The following THOC5 variants were observed in gnomAD, a reference collection of about 807,000 sequenced individuals.
THOC5 encodes the protein Fms-interacting protein.
THOC5 carries 43 observed loss-of-function variants against 92.9 expected under a neutral mutation model. The observed-to-expected ratio is 0.46, with a 90% CI of 0.36 to 0.60. The LOEUF (loss-of-function observed/expected upper bound fraction) is 0.60. Ranked by LOEUF, THOC5 falls within the 20% of genes least tolerant of loss-of-function variation. The pLI is 0.00. For synonymous variants in THOC5, 296 were observed against 320.1 expected (o/e 0.92, Z 0.80); for missense variants, 659 against 849.4 (o/e 0.78, Z 2.79).
At chr22:29,542,535 G>A (rs547458046) in intron 5 of THOC5, among the ~76,000 whole-genome samples, 8 of 152,244 alleles carry the variant, frequency 5.3e-5, no homozygotes, top group African/African-American at 7.2e-5. Flanking sequence ...AGGCCGAGGC[G>A]GGAGGACCAC....
intron 15 of THOC5, among the ~76,000 whole-genome samples, chr22:29,517,746 CTG>C (rs1482503491): frequency 4.6e-5 from 7 of 152,344 alleles, no homozygotes; most frequent in African/African-American, 1.7e-4. Flanking sequence ...GAGGAAACAA[CTG>C]AAGTGTTGTG....
chr22:29,517,849 G>T (rs1211788541), intron 15 of THOC5, among the ~76,000 whole-genome samples: 1 of 152,150 alleles, frequency 6.6e-6, no homozygotes, highest in Non-Finnish European at 1.5e-5. Context: ...GTACTGTCCA[G>T]AATGACAAGT....
At chr22:29,543,347 CAAAAAAAAA>C (rs59948387) in intron 4 of THOC5, 73 bp downstream of exon 4, 179 of 466,206 alleles carry the variant, frequency 3.8e-4, no homozygotes, top group Middle Eastern at 2.0e-3. Context: ...GACTCTGTCT[CAAAAAAAAA>C]AAAAAAAAAA....
At position 29,544,513 on chromosome 22, in the gene THOC5, G is replaced by A. The variant is rs1351386285; in HGVS notation, c.187C>T (p.Gln63Ter). ...TCTTGGATCTCAGCCATCAGCCTCT[G>A]TAGCTCCTGGCAGGTGTACTTGTAT... The part of the protein sequence containing the change: ...ELYKYTCQEL[Q>*]RLMAEIQDLK... The change falls in exon 3 of 20, where the codon CAG (glutamine) becomes TAG (stop). Residue 63 changes from glutamine (Q) to a stop codon, truncating the protein, a stop_gained. Coordinates refer to ENST00000490103, the MANE Select transcript of THOC5 (RefSeq NM_003678.5). LOFTEE classifies it high-confidence loss of function. The A allele has an allele frequency of 6.2e-7, 1 of 1,614,078 alleles. No individual in the cohort carries two copies. The highest frequency in any genetic ancestry group is 8.5e-7 in the Non-Finnish European group (1 of 1,180,012).
intron 12 of THOC5, among the ~76,000 whole-genome samples, chr22:29,521,910 G>A (rs751105297): frequency 4.6e-5 from 7 of 152,094 alleles, no homozygotes; most frequent in Admixed American, 2.6e-4. Context: ...CCGGTCCTGC[G>A]TTTTGGCCCC....
rs200681106 is a variant in THOC5, at chr22:29,522,729, G to A, written c.1176-1630C>T. Among the ~76,000 whole-genome samples the A allele has an allele frequency of 2.8e-4, 43 of 152,152 alleles. No individual in the cohort carries two copies. The East Asian group carries it at 7.4e-3, about 26-fold the overall frequency. On this transcript the variant is annotated intron_variant, in intron 12 of 19. Transcript: ENST00000490103. ...ATTAAAAAAACCTTAGTGGCCGGGC[G>A]TGGTGGCTCACGCCTGTAATCCCAG...
intron 7 of THOC5, among the ~76,000 whole-genome samples, chr22:29,532,488 C>A (rs6519793): frequency 0.34 from 51,628 of 149,660 alleles, 8,913 homozygotes; most frequent in South Asian, 0.5. Context: ...ACACAGAGAA[C>A]CCCGTCTCTA....
In THOC5 at chr22:29,528,210, T is replaced by C. The variant is rs373224977; in HGVS notation, c.967-33A>G. The C allele has an allele frequency of 4.3e-6, 7 of 1,613,962 alleles. No individual in the cohort carries two copies. In the African/African-American group the frequency reaches 5.3e-5, roughly 12 times the overall value. ...AAGGAAAGTGCCAAGCTGATGAGCA[T>C]CAGTCATAGCAATCTCCCCTTCCCT... On this transcript the variant is annotated intron_variant, in intron 10 of 19. Coordinates refer to ENST00000490103, the MANE Select transcript of THOC5 (RefSeq NM_003678.5).
intron 8 of THOC5, chr22:29,531,141 G>A (rs975228816): frequency 1.7e-6 from 2 of 1,163,964 alleles, no homozygotes; most frequent in South Asian, 1.8e-5. Flanking sequence ...GAGAACAAAG[G>A]GGAGGGGAGG....
chr22:29,518,594 C>T (rs2063377852), intron 15 of THOC5, among the ~76,000 whole-genome samples: 1 of 152,202 alleles, frequency 6.6e-6, no homozygotes, highest in Admixed American at 6.5e-5. Flanking sequence ...TGACTGTGAG[C>T]CACAGAGCCA....
chr22:29,532,514 A>C (rs1241460482), intron 7 of THOC5, among the ~76,000 whole-genome samples: 1 of 149,784 alleles, frequency 6.7e-6, no homozygotes, highest in Non-Finnish European at 1.5e-5. Flanking sequence ...AAAAATACAA[A>C]ATTAGCTGGG....
chr22:29,513,586 G>A (rs1408927761), intron 17 of THOC5, among the ~76,000 whole-genome samples: 1 of 152,052 alleles, frequency 6.6e-6, no homozygotes, highest in African/African-American at 2.4e-5. Flanking sequence ...TGCTTAGGAG[G>A]CCAAGACGGG....
chr22:29,536,181 T>C (rs554343503), intron 7 of THOC5: 1 of 156,756 alleles, frequency 6.4e-6, no homozygotes, highest in South Asian at 2.0e-4. Flanking sequence ...AGACATTATG[T>C]TTTACAGGCG....
In THOC5 at chr22:29,508,526, G is replaced by T. The variant is rs186470934; in HGVS notation, c.1989-6C>A. On this transcript the variant is annotated splice_polypyrimidine_tract_variant and splice_region_variant and intron_variant, in intron 19 of 19. Transcript: ENST00000490103. ...GCTTCATCCTGCTAGGACCCCTAGA[G>T]AAATAGGAGAACGGAGTTGTTAATA... 1 of 1,612,796 alleles carries T rather than the reference G, an allele frequency of 6.2e-7. No homozygotes were observed. Among genetic ancestry groups the T allele is most frequent in the Admixed American group, 1.7e-5 (1 of 60,004 alleles).
chr22:29,523,764 T>A (rs1177065983), intron 12 of THOC5, among the ~76,000 whole-genome samples: 1 of 151,654 alleles, frequency 6.6e-6, no homozygotes, highest in African/African-American at 2.4e-5. Flanking sequence ...ACAAAACTAT[T>A]AAAAAAAATT....
intron 11 of THOC5, 88 bp from the exon 12 acceptor site, chr22:29,526,034 T>A: frequency 1.8e-5 from 10 of 571,144 alleles, no homozygotes; most frequent in Non-Finnish European, 2.9e-5. Context: ...GGTGGGGGGG[T>A]CAAGTGTTGA....
At position 29,542,951 on chromosome 22, in the gene THOC5, C is replaced by T. The variant is rs1394260400; in HGVS notation, c.360G>A (p.Lys120=). 6.2e-7 allele frequency: 1 copy of T among 1,611,052 alleles called. No individual in the cohort carries two copies. Among genetic ancestry groups the T allele is most frequent in the Admixed American group, 1.7e-5 (1 of 59,724 alleles). ...KKGRDQTHEA[K]QKVDAYHLQL... The stretch of plus-strand genomic sequence containing the variant: ...GCAGATGATAGGCATCTACTTTCTG[C>T]TTAGCCTGAAAGGAAAATACGATCA... Residue 120 remains lysine, a synonymous_variant, in exon 5 of 20, where the codon AAG becomes AAA. Coordinates refer to ENST00000490103, the MANE Select transcript of THOC5 (RefSeq NM_003678.5).
At chr22:29,541,872 AAAAAAAAAAAAAAAAAAAAAAATATAT>A (rs1569230774) in intron 5 of THOC5, among the ~76,000 whole-genome samples, 41 of 66,708 alleles carry the variant, frequency 6.1e-4, no homozygotes, top group African/African-American at 1.8e-3. Context: ...AAAAAAAAAA[AAAAAAAAAAAAAAAAAAAAAAATATAT>A]ATATATATAT....
At chr22:29,523,771 A>G (rs574643323) in intron 12 of THOC5, among the ~76,000 whole-genome samples, 1 of 152,364 alleles carries the variant, frequency 6.6e-6, no homozygotes, top group African/African-American at 2.4e-5. Context: ...TATTAAAAAA[A>G]ATTGTTTGTC....
Sources: gnomAD v4.1 joint callset for allele counts (sites outside exome capture counted in the v4.1 genomes callset) on GRCh38, gnomAD v4.1.1 for gene constraint, MANE v1.5 for transcripts, NCBI Gene and HGNC (gene_info 2026-07-23, HGNC 2026-07-21) for gene names.